The following SLCO2B1 variants were observed in gnomAD, a reference collection of about 807,000 sequenced individuals.
SLCO2B1 encodes the protein OATP-RP2.
A neutral mutation model predicts 67.3 loss-of-function variants in SLCO2B1; 41 were observed. The ratio of observed to expected loss-of-function variants is 0.61; its 90% CI spans 0.47 to 0.79. The LOEUF is 0.79. Among genes scored for constraint, SLCO2B1 ranks in the 30% least tolerant of loss-of-function variants. The probability of loss-of-function intolerance (pLI) is 0.00; values close to 1 mark genes in which losing one functional copy is unlikely to be tolerated. For missense variants in SLCO2B1, 837 were observed against 920.1 expected (o/e 0.91, Z 1.17); for synonymous variants, 379 against 381.4 (o/e 0.99, Z 0.07).
In SLCO2B1 at chr11:75,172,444, G is replaced by A. The variant is rs781732705; in HGVS notation, c.847G>A (p.Ala283Thr). 22 of 1,614,000 alleles carry A rather than the reference G, an allele frequency of 1.4e-5. No homozygotes were observed. Among genetic ancestry groups the A allele is most frequent in the Non-Finnish European group, 1.8e-5 (21 of 1,179,998 alleles). Reference sequence around the variant, plus strand: ...TGCCTGGTGGCTGGGTTTCCTCATCGCTGCCGGTGCAGTGGCCCTGGCTGC... The same window carrying A: ...TGCCTGGTGGCTGGGTTTCCTCATCACTGCCGGTGCAGTGGCCCTGGCTGC... ...VGAWWLGFLI[A>T]AGAVALAAIP... The change falls in exon 7 of 14, where the codon GCT becomes ACT. Residue 283 changes from alanine (A) to threonine (T), a missense_variant. Coordinates refer to ENST00000289575, the MANE Select transcript of SLCO2B1 (RefSeq NM_007256.5).
At chr11:75,158,925 C>T (rs897933688) in intron 1 of SLCO2B1, among the ~76,000 whole-genome samples, 1 of 152,196 alleles carries the variant, frequency 6.6e-6, no homozygotes, top group African/African-American at 2.4e-5. Flanking sequence ...TGCAGTCAGG[C>T]TGGTCTCTGA....
rs562372835 is a variant in SLCO2B1 at position 75,196,970 on chromosome 11, G to A, written c.1599+291G>A. Among the ~76,000 whole-genome samples the A allele has an allele frequency of 4.6e-5, 7 of 152,298 alleles. No homozygotes were observed. In the South Asian group the frequency reaches 1.5e-3, roughly 32 times the overall value. On this transcript the variant is annotated intron_variant, in intron 10 of 13. Transcript: ENST00000289575. ...TCTCTACTAAAAATACAAAAAATTA[G>A]CCAGGCGTGGTGGTGTGCACCTGTA...
Position 75,200,283 on chromosome 11 carries a change from C to T in SLCO2B1, c.1659C>T (p.Cys553=), listed in dbSNP as rs775289054. The change falls in exon 11 of 14, where the codon TGC becomes TGT. Residue 553 remains cysteine, a synonymous_variant. Coordinates refer to ENST00000289575, the MANE Select transcript of SLCO2B1 (RefSeq NM_007256.5). ...VEGNPVLAGS[C]DSTCSHLVVP... ...GCAACCCCGTGCTGGCAGGATCCTG[C>T]GACTCAACGTGCAGCCATCTGGTGG... is the stretch of plus-strand genomic sequence containing the variant. The T allele has an allele frequency of 1.4e-5, 23 of 1,613,762 alleles. No homozygotes were observed. The highest frequency in any genetic ancestry group is 2.2e-5 in the East Asian group (1 of 44,880).
At chr11:75,168,260 C>G (rs1024340626) in intron 4 of SLCO2B1, among the ~76,000 whole-genome samples, 2 of 152,128 alleles carry the variant, frequency 1.3e-5, no homozygotes, top group African/African-American at 4.8e-5. Flanking sequence ...GGGCCTCTGT[C>G]AAAGTCACAC....
rs1949938043 is a variant in SLCO2B1 at position 75,169,806 on chromosome 11, G to A, written c.781+42G>A. 3 of 1,514,490 alleles carry A rather than the reference G, an allele frequency of 2.0e-6. No homozygotes were observed. In the African/African-American group the frequency reaches 4.1e-5, roughly 21 times the overall value. 93.8% of individuals were successfully genotyped at this position (1,514,490 alleles called of 1,614,324 possible). On this transcript the variant is annotated intron_variant, in intron 6 of 13. Transcript: ENST00000289575. ...CATGTTTGCTAGACCCTAGCTAACTGACTGCCACTCTCATAGGAGACATTG... is the reference window on the plus strand; with the variant it reads ...CATGTTTGCTAGACCCTAGCTAACTAACTGCCACTCTCATAGGAGACATTG...
At chr11:75,172,346 T>C (rs939264997) in intron 6 of SLCO2B1, 33 bp from the exon 7 acceptor site, 1 of 1,585,792 alleles carries the variant, frequency 6.3e-7, no homozygotes, top group African/African-American at 1.3e-5. Flanking sequence ...CCTATCATCC[T>C]GACCCTAATG....
chr11:75,178,893 T>G (rs911854753), intron 7 of SLCO2B1, among the ~76,000 whole-genome samples: 1 of 152,262 alleles, frequency 6.6e-6, no homozygotes, highest in African/African-American at 2.4e-5. Flanking sequence ...CTGGCTTATT[T>G]CACTTAACAT....
In SLCO2B1 at chr11:75,193,393, C is replaced by T. The variant is rs767712146; in HGVS notation, c.1251C>T (p.Ser417=). The change falls in exon 9 of 14, where the codon TCC becomes TCT. Residue 417 remains serine (S), a synonymous_variant. Transcript: ENST00000289575. This position sits in a 1 kb window ranked among gnomAD's most constrained non-coding sequence, Gnocchi z 4.2. The part of the protein sequence containing the change: ...SYANLLIGCL[S]FPSVIVGIVV... ...CCAACCTGCTCATCGGCTGCCTCTC[C>T]TTCCCTTCGGTCATCGTGGGCATCG... 2.2e-5 allele frequency: 36 copies of T among 1,614,204 alleles called. No individual in the cohort carries two copies. In the East Asian group the frequency reaches 8.0e-4, roughly 36 times the overall value.
At chr11:75,200,091 C>T (rs1384406035) in intron 10 of SLCO2B1, 133 bp from the exon 11 acceptor site, 21 of 894,470 alleles carry the variant, frequency 2.3e-5, no homozygotes, top group Admixed American at 5.5e-5. Context: ...GTCACGATCT[C>T]GGACTCCCAG....
intron 4 of SLCO2B1, among the ~76,000 whole-genome samples, chr11:75,168,346 A>G (rs1323035877): frequency 6.6e-6 from 1 of 152,142 alleles, no homozygotes; most frequent in Non-Finnish European, 1.5e-5. Context: ...TTTGCAGCCC[A>G]AGGGAGTGGC....
intron 12 of SLCO2B1, 111 bp downstream of exon 12, chr11:75,203,076 C>T: frequency 8.3e-7 from 1 of 1,201,492 alleles, no homozygotes; most frequent in Non-Finnish European, 1.2e-6. Flanking sequence ...TCTTAGGGCT[C>T]ACAAGCTCAT....
In SLCO2B1 at chr11:75,193,100, G is replaced by C; in HGVS notation, c.1076-118G>C. ...ATAAAATTGATTGCAATAGAATTAAGTGGAATGGGGCGGGTTAGAAGAAAT... is the reference window on the plus strand; with the variant it reads ...ATAAAATTGATTGCAATAGAATTAACTGGAATGGGGCGGGTTAGAAGAAAT... On this transcript the variant is annotated intron_variant, in intron 8 of 13. Transcript: ENST00000289575. This position sits in a 1 kb window ranked among gnomAD's most constrained non-coding sequence, Gnocchi z 4.2. The C allele has an allele frequency of 2.8e-6, 2 of 705,148 alleles. No homozygotes were observed. Among genetic ancestry groups the C allele is most frequent in the Non-Finnish European group, 4.8e-6 (2 of 417,678 alleles). The allele number at this position is 705,148 out of a possible 1,614,324, so 43.7% of individuals were successfully genotyped here.
At chr11:75,202,446 T>G in intron 11 of SLCO2B1, 1 of 186,238 alleles carries the variant, frequency 5.4e-6, no homozygotes. Context: ...TGATGTGGGG[T>G]TGCAGGGCAG....
At chr11:75,153,012 C>T (rs2140298891) in intron 1 of SLCO2B1, among the ~76,000 whole-genome samples, 2 of 152,326 alleles carry the variant, frequency 1.3e-5, no homozygotes, top group South Asian at 4.1e-4. Context: ...CACCCACTCA[C>T]CACATACCCC....
intron 1 of SLCO2B1, among the ~76,000 whole-genome samples, chr11:75,155,827 G>T (rs1949740376): frequency 6.6e-6 from 1 of 152,202 alleles, no homozygotes; most frequent in Non-Finnish European, 1.5e-5. Flanking sequence ...AGGGGGTACA[G>T]CTGGTACAAA....
chr11:75,164,309 A>C (rs1419933382), intron 3 of SLCO2B1, among the ~76,000 whole-genome samples: 1 of 151,808 alleles, frequency 6.6e-6, no homozygotes, highest in Non-Finnish European at 1.5e-5. Flanking sequence ...GGAACCTCTA[A>C]TGGGTCGGGT....
rs2140316022 is a variant in SLCO2B1 at position 75,172,362 on chromosome 11, A to G, written c.782-17A>G. On this transcript the variant is annotated splice_polypyrimidine_tract_variant and intron_variant, in intron 6 of 13. Transcript: ENST00000289575. ...CTATCATCCTGACCCTAATGTCACCATGCTCTTCTCTTCCAGGTGGTATCA... is the reference window on the plus strand; with the variant it reads ...CTATCATCCTGACCCTAATGTCACCGTGCTCTTCTCTTCCAGGTGGTATCA... 4 of 1,605,706 alleles carry G rather than the reference A, an allele frequency of 2.5e-6. No individual in the cohort carries two copies. The highest frequency in any genetic ancestry group is 1.3e-5 in the African/African-American group (1 of 74,850).
chr11:75,154,137 G>C (rs1354563967), intron 1 of SLCO2B1, among the ~76,000 whole-genome samples: 1 of 150,882 alleles, frequency 6.6e-6, no homozygotes, highest in South Asian at 2.1e-4. Flanking sequence ...TGTTGGCCAG[G>C]CTGGTCTCGA....
In SLCO2B1 at chr11:75,196,655, C is replaced by A; in HGVS notation, c.1575C>A (p.Val525=). 1.2e-6 allele frequency: 2 copies of A among 1,613,698 alleles called. No homozygotes were observed. Among genetic ancestry groups the A allele is most frequent in the South Asian group, 2.2e-5 (2 of 91,030 alleles). The change falls in exon 10 of 14, where the codon GTC becomes GTA. Residue 525 remains valine (V), a synonymous_variant. Transcript: ENST00000289575. ...PCHAGCSSWV[V]QDALDNSQVF... is the part of the protein sequence containing the mutation. ...ACGCAGGCTGCTCAAGCTGGGTGGTCCAGGATGCTCTGGACAACAGCCAGG... is the reference window on the plus strand; with the variant it reads ...ACGCAGGCTGCTCAAGCTGGGTGGTACAGGATGCTCTGGACAACAGCCAGG...
Sources: gnomAD v4.1 joint callset for allele counts (sites outside exome capture counted in the v4.1 genomes callset) on GRCh38, gnomAD v4.1.1 for gene constraint, Gnocchi (gnomAD v3.1) non-coding constraint, MANE v1.5 for transcripts, NCBI Gene and HGNC (gene_info 2026-07-23, HGNC 2026-07-21) for gene names.